The following CRADD variants were observed in gnomAD, a reference collection of about 807,000 sequenced individuals.
CRADD encodes death domain-containing protein CRADD.
Under a neutral mutation model 15.5 loss-of-function variants are expected in CRADD, and 9 were observed. That is an observed-to-expected ratio of 0.58 (90% confidence interval 0.35 to 1.01). The LOEUF (loss-of-function observed/expected upper bound fraction) is 1.01, where lower values mean the gene tolerates loss of function less well. CRADD is among the 50% of genes least tolerant of loss of function. CRADD has a pLI of 0.02. For synonymous variants in CRADD, 118 were observed against 107.6 expected, an observed-to-expected ratio of 1.10 and a Z score of -0.60; for missense variants, 227 against 250.3, an observed-to-expected ratio of 0.91 and a Z score of 0.63.
chr12:93,832,728 T>C (rs1957922836), intron 2 of CRADD, among the ~76,000 whole-genome samples: 1 of 152,218 alleles, frequency 6.6e-6, no homozygotes, highest in Non-Finnish European at 1.5e-5. Flanking sequence ...CAGTAGGAAA[T>C]AATTACGTGA....
chr12:93,834,914 G>A (rs1565932014), intron 2 of CRADD, among the ~76,000 whole-genome samples: 1 of 152,228 alleles, frequency 6.6e-6, no homozygotes, highest in Non-Finnish European at 1.5e-5. Context: ...GAGGGGAGGG[G>A]TATTTTATCA....
chr12:93,693,392 G>A (rs1955620609), intron 2 of CRADD, among the ~76,000 whole-genome samples: 1 of 152,042 alleles, frequency 6.6e-6, no homozygotes, highest in Admixed American at 6.5e-5. Flanking sequence ...AAATTAACGG[G>A]TAGAAAAATA....
intron 2 of CRADD, among the ~76,000 whole-genome samples, chr12:93,736,142 G>T (rs1253448286): frequency 6.6e-6 from 1 of 151,992 alleles, no homozygotes; most frequent in East Asian, 1.9e-4. Flanking sequence ...TTTCCCTTTG[G>T]TATAATTTTA....
At chr12:93,820,605 C>A (rs1257707320) in intron 2 of CRADD, among the ~76,000 whole-genome samples, 1 of 151,988 alleles carries the variant, frequency 6.6e-6, no homozygotes, top group African/African-American at 2.4e-5. Flanking sequence ...CATCACTGGG[C>A]CAGGACTTTA....
intron 2 of CRADD, among the ~76,000 whole-genome samples, chr12:93,888,635 G>GT (rs1441556935): frequency 3.3e-5 from 5 of 152,116 alleles, no homozygotes; most frequent in African/African-American, 7.2e-5. Context: ...GCAAGGCAGG[G>GT]TGGTGGGGTG....
intron 2 of CRADD, among the ~76,000 whole-genome samples, chr12:93,805,904 G>A (rs1219104175): frequency 6.6e-6 from 1 of 152,108 alleles, no homozygotes; most frequent in African/African-American, 2.4e-5. Context: ...ATTACCCAGA[G>A]ATGCTTGGCT....
At chr12:93,787,318 T>G (rs796183974) in intron 2 of CRADD, among the ~76,000 whole-genome samples, 33 of 150,134 alleles carry the variant, frequency 2.2e-4, no homozygotes, top group South Asian at 1.5e-3. Flanking sequence ...TTTTTTTTTT[T>G]TTTTTTTTTT....
At chr12:93,758,921 A>G (rs1015244404) in intron 2 of CRADD, among the ~76,000 whole-genome samples, 43 of 152,182 alleles carry the variant, frequency 2.8e-4, no homozygotes, top group Non-Finnish European at 1.5e-4. Flanking sequence ...GAAATGAAAT[A>G]AGTTCTTGTA....
intron 2 of CRADD, among the ~76,000 whole-genome samples, chr12:93,692,619 G>A (rs545543057): frequency 2.6e-5 from 4 of 152,256 alleles, no homozygotes; most frequent in African/African-American, 9.6e-5. Context: ...AATGAATAGT[G>A]TAGCCGGCAA....
At chr12:93,706,234 A>G (rs1409440220) in intron 2 of CRADD, among the ~76,000 whole-genome samples, 1 of 152,102 alleles carries the variant, frequency 6.6e-6, no homozygotes, top group African/African-American at 2.4e-5. Flanking sequence ...GCATTTTACC[A>G]TTTTCACATT....
chr12:93,798,597 A>C (rs1030261263), intron 2 of CRADD, among the ~76,000 whole-genome samples: 1 of 152,192 alleles, frequency 6.6e-6, no homozygotes, highest in African/African-American at 2.4e-5. Flanking sequence ...TCTGAACTCA[A>C]ATAGGCTCCA....
chr12:93,726,104 T>G (rs1051335329), intron 2 of CRADD, among the ~76,000 whole-genome samples: 1 of 142,722 alleles, frequency 7.0e-6, no homozygotes, highest in Admixed American at 6.8e-5. Flanking sequence ...GTTTTTTTTT[T>G]TTTTTTTTTT....
Position 93,713,355 on chromosome 12 carries a change from G to A in CRADD, c.298+34283G>A, listed in dbSNP as rs568115350. On this transcript the variant is annotated intron_variant, in intron 2 of 2. Transcript: ENST00000332896. ...ACGTAGCTATGTGTGGCCATTGAGC[G>A]TGAAAATGTGACTCCTGTAAGTTGA... is the stretch of plus-strand genomic sequence containing the variant. 2.6e-5 allele frequency among the ~76,000 whole-genome samples: 4 copies of A among 152,238 alleles called. No homozygotes were observed. The South Asian group carries it at 6.2e-4, about 24-fold the overall frequency.
intron 2 of CRADD, among the ~76,000 whole-genome samples, chr12:93,835,021 AT>A (rs1186191289): frequency 6.6e-6 from 1 of 152,236 alleles, no homozygotes; most frequent in African/African-American, 2.4e-5. Flanking sequence ...TAAACACTGC[AT>A]CCTTTATTGC....
intron 2 of CRADD, among the ~76,000 whole-genome samples, chr12:93,804,051 C>T (rs1957506979): frequency 1.3e-5 from 2 of 152,148 alleles, no homozygotes; most frequent in East Asian, 3.9e-4. Flanking sequence ...GGTCTCAGAA[C>T]TGTTAAGATA....
At chr12:93,733,402 C>T (rs942868604) in intron 2 of CRADD, among the ~76,000 whole-genome samples, 5 of 152,108 alleles carry the variant, frequency 3.3e-5, no homozygotes, top group Non-Finnish European at 5.9e-5. Flanking sequence ...CTTTGGGGTG[C>T]GTGTCAGAGA....
intron 2 of CRADD, among the ~76,000 whole-genome samples, chr12:93,868,685 T>TAC (rs1257824776): frequency 9.1e-4 from 130 of 143,618 alleles, no homozygotes; most frequent in African/African-American, 3.4e-3. Context: ...CTCTCTCTCT[T>TAC]GCACACACAC....
At chr12:93,705,047 A>G (rs894661655) in intron 2 of CRADD, among the ~76,000 whole-genome samples, 2 of 152,212 alleles carry the variant, frequency 1.3e-5, no homozygotes, top group African/African-American at 4.8e-5. Flanking sequence ...ATTTAACACT[A>G]TCTGGAATTA....
chr12:93,859,488 C>T (rs1462968533), intron 2 of CRADD: 2 of 408,578 alleles, frequency 4.9e-6, no homozygotes, highest in African/African-American at 2.1e-5. Flanking sequence ...CTGTGAAAGA[C>T]AAAATGCACT....
Sources: allele counts gnomAD v4.1 joint callset (sites outside exome capture counted in the v4.1 genomes callset), GRCh38; gene constraint gnomAD v4.1.1; transcripts MANE v1.5; gene names NCBI Gene and HGNC (gene_info 2026-07-23, HGNC 2026-07-21).